SYT16: variants seen among roughly 807,000 people sequenced by gnomAD.
SYT16 encodes the protein synaptotagmin-16.
SYT16 carries 42 observed loss-of-function variants against 61.4 expected under a neutral mutation model. The observed-to-expected ratio is 0.68, with a 90% CI of 0.53 to 0.89. SYT16 has a LOEUF of 0.89. SYT16 is among the 40% of genes least tolerant of loss of function. The pLI is 0.00. For synonymous variants in SYT16, 314 were observed against 302.3 expected, an observed-to-expected ratio of 1.04 and a Z score of -0.40; for missense variants, 804 against 807.3, an observed-to-expected ratio of 1.00 and a Z score of 0.05.
chr14:61,826,358 G>C (rs554024007), intron 1 of SYT16, among the ~76,000 whole-genome samples: 30 of 152,178 alleles, frequency 2.0e-4, no homozygotes, highest in Admixed American at 1.8e-3. Flanking sequence ...CAGTGGCTCT[G>C]GTGTCAGGAA....
At chr14:62,051,628 T>G (rs1244834366) in intron 3 of SYT16, among the ~76,000 whole-genome samples, 1 of 152,264 alleles carries the variant, frequency 6.6e-6, no homozygotes, top group East Asian at 1.9e-4. Context: ...CCCTGTATTT[T>G]TCTTTTTAAA....
intron 3 of SYT16, among the ~76,000 whole-genome samples, chr14:62,033,045 A>C (rs891478333): frequency 2.0e-5 from 3 of 152,006 alleles, no homozygotes; most frequent in Non-Finnish European, 4.4e-5. Context: ...ACTGAAGTTC[A>C]GTTAGCATAC....
At position 62,075,255 on chromosome 14, in the gene SYT16, C is replaced by G; in HGVS notation, c.857C>G (p.Ser286Cys). The change falls in exon 5 of 8, where the codon TCT (serine) becomes TGT (cysteine). Residue 286 changes from serine (S) to cysteine (C), a missense_variant. Physicochemically the swap from Ser to Cys is moderately radical, Grantham distance 112 (BLOSUM62 -1). Coordinates refer to ENST00000683842, the MANE Select transcript of SYT16 (RefSeq NM_001367656.1). Reference protein sequence around the residue: ...ERGDAKHHGTSHQESSVVQSL... With the variant: ...ERGDAKHHGTCHQESSVVQSL... The stretch of plus-strand genomic sequence containing the variant: ...GGGGATGCCAAACACCACGGCACAT[C>G]TCACCAAGAGTCCAGTGTGGTCCAA... The G allele has an allele frequency of 6.2e-7, 1 of 1,613,912 alleles. No individual in the cohort carries two copies. Among genetic ancestry groups the G allele is most frequent in the Non-Finnish European group, 8.5e-7 (1 of 1,179,862 alleles).
At chr14:61,945,805 G>A (rs1329565549) in intron 1 of SYT16, among the ~76,000 whole-genome samples, 3 of 133,158 alleles carry the variant, frequency 2.3e-5, no homozygotes, top group Non-Finnish European at 3.1e-5. Flanking sequence ...GCAGTGAGCC[G>A]AGATCACGCC....
chr14:62,042,034 T>C (rs2054752051), intron 3 of SYT16, among the ~76,000 whole-genome samples: 1 of 152,266 alleles, frequency 6.6e-6, no homozygotes, highest in Non-Finnish European at 1.5e-5. Context: ...GTTTGTTGAA[T>C]ATATGGAATA....
chr14:62,080,804 A>G (rs1489963949), intron 5 of SYT16, 30 bp from the exon 6 acceptor site: 1 of 1,557,340 alleles, frequency 6.4e-7, no homozygotes, highest in Middle Eastern at 1.9e-4. Flanking sequence ...CATCATTTCC[A>G]TTTCTAATTG....
chr14:62,046,080 T>C (rs1405013885), intron 3 of SYT16, among the ~76,000 whole-genome samples: 2 of 152,164 alleles, frequency 1.3e-5, no homozygotes, highest in African/African-American at 4.8e-5. Flanking sequence ...AGTGTAAAAG[T>C]GTTCCTATTT....
chr14:62,098,973 A>G (rs1959957), intron 7 of SYT16, among the ~76,000 whole-genome samples: 69,319 of 151,906 alleles, frequency 0.46, 15,954 homozygotes, highest in Middle Eastern at 0.55. Context: ...AGCATGGGGA[A>G]CATGTACAGA....
At chr14:62,051,851 G>C (rs1289223971) in intron 3 of SYT16, among the ~76,000 whole-genome samples, 1 of 152,074 alleles carries the variant, frequency 6.6e-6, no homozygotes, top group Non-Finnish European at 1.5e-5. Context: ...GGGCAACCTG[G>C]TGAAACTCTG....
chr14:62,027,047 C>T (rs552678520), intron 3 of SYT16, among the ~76,000 whole-genome samples: 6 of 151,956 alleles, frequency 3.9e-5, no homozygotes, highest in African/African-American at 1.5e-4. Flanking sequence ...GTCTTCATTG[C>T]GAATTTTGTC....
chr14:61,886,419 C>G (rs1293522877), intron 1 of SYT16, among the ~76,000 whole-genome samples: 1 of 152,194 alleles, frequency 6.6e-6, no homozygotes, highest in Non-Finnish European at 1.5e-5. Flanking sequence ...TCCTCTCGAA[C>G]CTTGCCACTT....
At position 62,104,478 on chromosome 14, in the gene SYT16, TA is replaced by T. The variant is rs1192536745; in HGVS notation, c.*3776del. 6.6e-6 allele frequency: 1 copy of T among 152,158 alleles called. No homozygotes were observed. Among genetic ancestry groups the T allele is most frequent in the African/African-American group, 2.4e-5 (1 of 41,448 alleles). 9.4% of individuals were successfully genotyped at this position (152,158 alleles called of 1,614,324 possible). On this transcript the variant is annotated 3_prime_UTR_variant, in exon 8 of 8. Coordinates refer to ENST00000683842, the MANE Select transcript of SYT16 (RefSeq NM_001367656.1). ...TTGGGCAAAGTCATTTACAACAAAA[TA>T]AAAAGTCATACAGCACACCTATGGA...
chr14:61,925,510 T>C (rs2049500591), intron 1 of SYT16, among the ~76,000 whole-genome samples: 1 of 152,212 alleles, frequency 6.6e-6, no homozygotes, highest in Non-Finnish European at 1.5e-5. Context: ...ACAAATACTT[T>C]TCAAGATTAC....
intron 1 of SYT16, among the ~76,000 whole-genome samples, chr14:61,879,863 C>A (rs547268343): frequency 6.6e-6 from 1 of 152,330 alleles, no homozygotes; most frequent in African/African-American, 2.4e-5. Flanking sequence ...GCCATCTATC[C>A]TTTGGATTTT....
chr14:61,854,077 TACAC>T (rs958168050), intron 1 of SYT16, among the ~76,000 whole-genome samples: 1 of 152,104 alleles, frequency 6.6e-6, no homozygotes, highest in Non-Finnish European at 1.5e-5. Context: ...ATTAGGTTGA[TACAC>T]ACACACCCCC....
At chr14:61,913,181 G>T (rs1272583610) in intron 1 of SYT16, among the ~76,000 whole-genome samples, 1 of 152,080 alleles carries the variant, frequency 6.6e-6, no homozygotes, top group African/African-American at 2.4e-5. Flanking sequence ...TAAAATTTGT[G>T]TATTTCTGCC....
intron 1 of SYT16, among the ~76,000 whole-genome samples, chr14:61,941,715 C>T (rs1165749469): frequency 6.6e-6 from 1 of 152,126 alleles, no homozygotes; most frequent in East Asian, 1.9e-4. Flanking sequence ...CTCCACAGTC[C>T]CCATCCCTTT....
intron 1 of SYT16, among the ~76,000 whole-genome samples, chr14:61,922,706 T>A (rs766652705): frequency 2.6e-5 from 4 of 152,022 alleles, no homozygotes; most frequent in African/African-American, 7.2e-5. Flanking sequence ...TAAAAAAAAA[T>A]GGTTTATAAA....
At chr14:61,960,144 C>T (rs953736227) in intron 1 of SYT16, among the ~76,000 whole-genome samples, 1 of 152,046 alleles carries the variant, frequency 6.6e-6, no homozygotes. Context: ...TCTTAAAGAA[C>T]AGTTTTGGTT....
Sources: gnomAD v4.1 joint callset for allele counts (sites outside exome capture counted in the v4.1 genomes callset) on GRCh38, gnomAD v4.1.1 for gene constraint, MANE v1.5 for transcripts, NCBI Gene and HGNC (gene_info 2026-07-23, HGNC 2026-07-21) for gene names.